ZFAND3: variants seen among roughly 807,000 people sequenced by gnomAD.
ZFAND3 encodes AN1-type zinc finger protein 3.
In ZFAND3, 10 loss-of-function variants were observed where a neutral mutation model predicts 29.6. That is an observed-to-expected ratio of 0.34 (90% CI 0.21 to 0.57). The LOEUF is 0.57. ZFAND3 is among the 20% of genes least tolerant of loss of function. The pLI is 0.86. For synonymous variants in ZFAND3, 128 were observed against 112.6 expected, an observed-to-expected ratio of 1.14 and a Z score of -0.87; for missense variants, 230 against 304.5, an observed-to-expected ratio of 0.76 and a Z score of 1.82.
chr6:37,883,143 A>C (rs1056953969), intron 1 of ZFAND3, among the ~76,000 whole-genome samples: 1 of 152,144 alleles, frequency 6.6e-6, no homozygotes, highest in Non-Finnish European at 1.5e-5. Context: ...AGATCCCTTG[A>C]GCCCAGGAGT....
intron 2 of ZFAND3, among the ~76,000 whole-genome samples, chr6:37,994,118 C>CTGTG (rs10535939): frequency 4.2e-4 from 63 of 150,688 alleles, no homozygotes; most frequent in Non-Finnish European, 7.0e-4. Flanking sequence ...GAGTGTGTGT[C>CTGTG]TGTGTGTGTG....
chr6:38,016,549 C>T (rs1393489486), intron 2 of ZFAND3, among the ~76,000 whole-genome samples: 3 of 152,150 alleles, frequency 2.0e-5, no homozygotes, highest in Non-Finnish European at 4.4e-5. Flanking sequence ...GTGCTTTCCT[C>T]CTGGATAAGC....
chr6:37,977,239 C>T (rs544823634), intron 2 of ZFAND3, among the ~76,000 whole-genome samples: 2 of 152,252 alleles, frequency 1.3e-5, no homozygotes, highest in African/African-American at 2.4e-5. Context: ...TGTGTTACGT[C>T]GTATAACTGT....
Position 38,154,492 on chromosome 6 carries a change from G to A in ZFAND3, c.*2103G>A. 10 of 983,344 alleles carry A rather than the reference G, an allele frequency of 1.0e-5. No individual in the cohort carries two copies. The highest frequency in any genetic ancestry group is 1.2e-5 in the Non-Finnish European group (10 of 827,768). The allele number at this position is 983,344 out of a possible 1,614,324, so 60.9% of individuals were successfully genotyped here. On this transcript the variant is annotated 3_prime_UTR_variant, in exon 6 of 6. Transcript: ENST00000287218. ...AGAGAAAATCTTATTTAACCCTTTTGTGTTCTAGATTTACTTACACACATA... is the reference window on the plus strand; with the variant it reads ...AGAGAAAATCTTATTTAACCCTTTTATGTTCTAGATTTACTTACACACATA...
intron 2 of ZFAND3, among the ~76,000 whole-genome samples, chr6:38,021,526 A>T (rs1394460140): frequency 6.6e-6 from 1 of 152,196 alleles, no homozygotes; most frequent in Non-Finnish European, 1.5e-5. Flanking sequence ...CGGAGGAAAA[A>T]AACACTGCTC....
intron 5 of ZFAND3, among the ~76,000 whole-genome samples, chr6:38,150,168 T>G (rs919134317): frequency 7.2e-5 from 11 of 152,224 alleles, no homozygotes; most frequent in Non-Finnish European, 1.2e-4. Flanking sequence ...ATCCAATATC[T>G]TCGAGTAATG....
At chr6:38,010,588 A>G (rs936404525) in intron 2 of ZFAND3, among the ~76,000 whole-genome samples, 6 of 144,334 alleles carry the variant, frequency 4.2e-5, no homozygotes, top group Admixed American at 1.4e-4. Context: ...TTTTGCTTTT[A>G]CGCCCCCAAC....
At chr6:37,865,968 T>A (rs1764582583) in intron 1 of ZFAND3, among the ~76,000 whole-genome samples, 1 of 152,202 alleles carries the variant, frequency 6.6e-6, no homozygotes, top group Non-Finnish European at 1.5e-5. Context: ...TAATGCCATA[T>A]CTCTGGTGGC....
At chr6:37,896,571 TC>T (rs1765218874) in intron 1 of ZFAND3, among the ~76,000 whole-genome samples, 2 of 140,426 alleles carry the variant, frequency 1.4e-5, no homozygotes, top group African/African-American at 5.5e-5. Context: ...TCTTTCTTTC[TC>T]TCTTTCTCTC....
intron 1 of ZFAND3, among the ~76,000 whole-genome samples, chr6:37,825,937 A>G (rs529232735): frequency 6.6e-6 from 1 of 152,306 alleles, no homozygotes; most frequent in South Asian, 2.1e-4. Flanking sequence ...GGTTCTGTCC[A>G]TGCAAAGTGA....
At chr6:38,068,419 G>A (rs954224291) in intron 3 of ZFAND3, among the ~76,000 whole-genome samples, 1 of 152,174 alleles carries the variant, frequency 6.6e-6, no homozygotes, top group African/African-American at 2.4e-5. Flanking sequence ...GCAGAGTTGG[G>A]TAGTTGCTGT....
At chr6:38,058,421 A>C (rs1764173020) in intron 2 of ZFAND3, among the ~76,000 whole-genome samples, 1 of 152,272 alleles carries the variant, frequency 6.6e-6, no homozygotes, top group African/African-American at 2.4e-5. Flanking sequence ...CCATTGATAT[A>C]GTACCTGTTT....
intron 2 of ZFAND3, among the ~76,000 whole-genome samples, chr6:38,012,121 G>A (rs1040364533): frequency 6.6e-6 from 1 of 152,158 alleles, no homozygotes; most frequent in East Asian, 1.9e-4. Context: ...GTAGTGGAAT[G>A]TAGAATGCTG....
chr6:38,027,001 C>T (rs1478152909), intron 2 of ZFAND3, among the ~76,000 whole-genome samples: 2 of 152,008 alleles, frequency 1.3e-5, no homozygotes, highest in Non-Finnish European at 1.5e-5. Flanking sequence ...GGGGGGAGGG[C>T]GGAACTAAGT....
At chr6:38,085,356 C>T (rs563202800) in intron 4 of ZFAND3, among the ~76,000 whole-genome samples, 1 of 152,242 alleles carries the variant, frequency 6.6e-6, no homozygotes, top group Non-Finnish European at 1.5e-5. Flanking sequence ...TCCTCCCATC[C>T]AATCTATCCA....
chr6:37,850,104 A>G lies in ZFAND3; in HGVS notation c.71+30088A>G, dbSNP rs1020125284. Among the ~76,000 whole-genome samples, 4 of 152,330 alleles carry G rather than the reference A, an allele frequency of 2.6e-5. No homozygotes were observed. The South Asian group carries it at 8.3e-4, about 32-fold the overall frequency. ...GCACAGCCCTAGTAGGTTTATTACTATAGTAGGAGGTCTGTCTTGTAGCCC... is the reference window on the plus strand; with the variant it reads ...GCACAGCCCTAGTAGGTTTATTACTGTAGTAGGAGGTCTGTCTTGTAGCCC... On this transcript the variant is annotated intron_variant, in intron 1 of 5. Coordinates refer to ENST00000287218, the MANE Select transcript of ZFAND3 (RefSeq NM_021943.3).
At chr6:37,861,459 A>G (rs1456518058) in intron 1 of ZFAND3, among the ~76,000 whole-genome samples, 3 of 152,110 alleles carry the variant, frequency 2.0e-5, no homozygotes, top group East Asian at 3.9e-4. Context: ...GATAAAAAAG[A>G]CGAGTAGGAA....
chr6:37,914,672 C>CTTTTTTTTTCTT lies in ZFAND3; in HGVS notation c.72-15278_72-15277insCTTTTTTTTTTT, dbSNP rs1554157845. ...TTTCTTTCTTTCTTTCTTTTTTTTT[C>CTTTTTTTTTCTT]TTTTTTTTTTAGTGGAGACGGGGTT... On this transcript the variant is annotated intron_variant, in intron 1 of 5. Coordinates refer to ENST00000287218, the MANE Select transcript of ZFAND3 (RefSeq NM_021943.3). Among the ~76,000 whole-genome samples, 271 of 114,218 alleles carry CTTTTTTTTTCTT rather than the reference C, an allele frequency of 2.4e-3. 18 individuals are homozygous for CTTTTTTTTTCTT. The highest frequency in any genetic ancestry group is 9.4e-3 in the African/African-American group (264 of 28,014). 74.9% of individuals were successfully genotyped at this position (114,218 alleles called of 152,430 possible).
At chr6:37,872,458 T>TA (rs1369546920) in intron 1 of ZFAND3, among the ~76,000 whole-genome samples, 5 of 152,154 alleles carry the variant, frequency 3.3e-5, no homozygotes, top group Non-Finnish European at 7.3e-5. Context: ...TTTGTTGAAA[T>TA]ATATCATACA....
Sources: allele counts gnomAD v4.1 joint callset (sites outside exome capture counted in the v4.1 genomes callset), GRCh38; gene constraint gnomAD v4.1.1; transcripts MANE v1.5; gene names NCBI Gene and HGNC (gene_info 2026-07-23, HGNC 2026-07-21).